Variants in ZNF564 observed in about 807,000 individuals in gnomAD.
ZNF564 encodes zinc finger protein 564.
Under a neutral mutation model 10.5 loss-of-function variants are expected in ZNF564, and 5 were observed. The observed-to-expected ratio is 0.48, with a 90% CI of 0.25 to 1.00. ZNF564 has a LOEUF of 1.00. Among genes scored for constraint, ZNF564 ranks in the 50% least tolerant of loss-of-function variants. The pLI is 0.16. For synonymous variants in ZNF564, 242 were observed against 218.1 expected (o/e 1.11, Z -0.97); for missense variants, 603 against 669.7 (o/e 0.90, Z 1.10).
intron 1 of ZNF564, among the ~76,000 whole-genome samples, chr19:12,534,975 C>T (rs2021880231): frequency 6.6e-6 from 1 of 151,990 alleles, no homozygotes; most frequent in Non-Finnish European, 1.5e-5. Flanking sequence ...CCAAGAGATT[C>T]TTGATAAACA....
At chr19:12,533,791 C>T (rs1326126919) in intron 1 of ZNF564, among the ~76,000 whole-genome samples, 1 of 58,296 alleles carries the variant, frequency 1.7e-5, no homozygotes, top group East Asian at 4.3e-4. Context: ...AACAGAAAAA[C>T]AAGAGAGCAA....
chr19:12,544,506 C>T (rs2022115968), intron 1 of ZNF564, among the ~76,000 whole-genome samples: 2 of 152,144 alleles, frequency 1.3e-5, no homozygotes, highest in East Asian at 1.9e-4. Context: ...AGTTCTACGC[C>T]TCCTCCCATT....
chr19:12,525,634 T>C lies in ZNF564; in HGVS notation c.*812A>G, dbSNP rs1482147591. On this transcript the variant is annotated 3_prime_UTR_variant, in exon 4 of 4. Transcript: ENST00000339282. The stretch of plus-strand genomic sequence containing the variant: ...CATCTGGGTATCTTCTTTGGAGAAA[T>C]GTCTATTCAAGTCCTTTCCTCCATT... 6.6e-6 allele frequency: 1 copy of C among 152,240 alleles called. No homozygotes were observed. The highest frequency in any genetic ancestry group is 2.4e-5 in the African/African-American group (1 of 41,468). The allele number at this position is 152,240 out of a possible 1,614,324, so 9.4% of individuals were successfully genotyped here. A position where few individuals can be genotyped will look rare whatever the true frequency, so the allele number is the denominator to read the frequency against.
At position 12,551,407 on chromosome 19, in the gene ZNF564, G is replaced by C; in HGVS notation, c.-75C>G. On this transcript the variant is annotated 5_prime_UTR_variant, in exon 1 of 4. Coordinates refer to ENST00000339282, the MANE Select transcript of ZNF564 (RefSeq NM_144976.4). ...CTGTGCAGGTCCCAGCGCGCCAGAC[G>C]CTGCGGTGGAGCCACCGGGGCCACT... 6.7e-6 allele frequency: 10 copies of C among 1,489,146 alleles called. No individual in the cohort carries two copies. The South Asian group carries it at 1.3e-4, about 19-fold the overall frequency. 92.2% of individuals were successfully genotyped at this position (1,489,146 alleles called of 1,614,324 possible). A position where few individuals can be genotyped will look rare whatever the true frequency, so the allele number is the denominator to read the frequency against.
rs2021669792 is a variant in ZNF564, at chr19:12,525,794, C to T, written c.*652G>A. ...TCCAATATCAAGGCACTGGCATAGT[C>T]CATGTCTGGTAAGGGCCTGCTTCCC... On this transcript the variant is annotated 3_prime_UTR_variant, in exon 4 of 4. Coordinates refer to ENST00000339282, the MANE Select transcript of ZNF564 (RefSeq NM_144976.4). The T allele has an allele frequency of 6.6e-6, 1 of 152,208 alleles. No homozygotes were observed. The highest frequency in any genetic ancestry group is 1.5e-5 in the Non-Finnish European group (1 of 68,094). The allele number at this position is 152,208 out of a possible 1,614,324, so 9.4% of individuals were successfully genotyped here.
chr19:12,538,559 A>G (rs1296048990), intron 1 of ZNF564, among the ~76,000 whole-genome samples: 1 of 152,122 alleles, frequency 6.6e-6, no homozygotes, highest in African/African-American at 2.4e-5. Flanking sequence ...CAGGAGGCGG[A>G]GGTTGCAGTG....
At chr19:12,535,365 T>C (rs2021888150) in intron 1 of ZNF564, among the ~76,000 whole-genome samples, 1 of 151,992 alleles carries the variant, frequency 6.6e-6, no homozygotes, top group South Asian at 2.1e-4. Flanking sequence ...AGAGTGAGAC[T>C]CCGTCTCAAA....
chr19:12,543,428 G>A (rs1198325687), intron 1 of ZNF564, among the ~76,000 whole-genome samples: 3 of 151,842 alleles, frequency 2.0e-5, no homozygotes, highest in Non-Finnish European at 4.4e-5. Flanking sequence ...TGTAATCCCA[G>A]CACTTTGGGA....
chr19:12,528,265 A>G, intron 3 of ZNF564, 39 bp downstream of exon 3: 3 of 1,557,624 alleles, frequency 1.9e-6, no homozygotes, highest in Non-Finnish European at 2.6e-6. Flanking sequence ...ATGACATACT[A>G]AGAAGGAGAC....
intron 1 of ZNF564, 95 bp downstream of exon 1, chr19:12,551,235 C>G: frequency 7.1e-7 from 1 of 1,409,080 alleles, no homozygotes; most frequent in South Asian, 1.2e-5. Flanking sequence ...ACCCTGGAGT[C>G]GCTGCAGGGA....
intron 1 of ZNF564, among the ~76,000 whole-genome samples, chr19:12,532,534 CAAAAAAAAAAAAA>C (rs35579003): frequency 1.5e-4 from 6 of 39,258 alleles, no homozygotes; most frequent in Middle Eastern, 0.024. Flanking sequence ...GACTCCGTCT[CAAAAAAAAAAAAA>C]AAAAAAAAAA....
intron 1 of ZNF564, among the ~76,000 whole-genome samples, chr19:12,531,396 G>A (rs532969849): frequency 6.6e-6 from 1 of 151,868 alleles, no homozygotes; most frequent in South Asian, 2.1e-4. Flanking sequence ...GCGAAACCTC[G>A]TCTCTACTAA....
At chr19:12,531,902 CAT>C (rs926970364) in intron 1 of ZNF564, among the ~76,000 whole-genome samples, 2 of 152,108 alleles carry the variant, frequency 1.3e-5, no homozygotes, top group Non-Finnish European at 2.9e-5. Flanking sequence ...ATTTTAAAAA[CAT>C]AGTATGTTGG....
At chr19:12,544,700 T>G (rs937100462) in intron 1 of ZNF564, among the ~76,000 whole-genome samples, 1 of 152,172 alleles carries the variant, frequency 6.6e-6, no homozygotes. Flanking sequence ...CCCATCTGGT[T>G]GCTCTAAACT....
intron 1 of ZNF564, among the ~76,000 whole-genome samples, chr19:12,534,343 G>A (rs764528476): frequency 1.2e-4 from 18 of 152,130 alleles, no homozygotes; most frequent in Non-Finnish European, 2.2e-4. Flanking sequence ...TTGTCACTGG[G>A]GAATTACAAA....
intron 1 of ZNF564, among the ~76,000 whole-genome samples, chr19:12,532,508 C>T: frequency 8.1e-6 from 1 of 123,650 alleles, no homozygotes. Context: ...GCACTCCAGC[C>T]TGGGCGACAG....
intron 1 of ZNF564, chr19:12,548,688 C>T (rs140378864): frequency 2.3e-4 from 152 of 655,366 alleles, no homozygotes; most frequent in African/African-American, 2.3e-3. Context: ...TTTATCTATC[C>T]CTTTCAGACA....
chr19:12,549,684 C>T (rs1287042977), intron 1 of ZNF564, among the ~76,000 whole-genome samples: 1 of 152,098 alleles, frequency 6.6e-6, no homozygotes, highest in Non-Finnish European at 1.5e-5. Context: ...AAAGGGTAAA[C>T]TTTTCAGAGG....
chr19:12,535,938 G>A (rs757023372), intron 1 of ZNF564, among the ~76,000 whole-genome samples: 3 of 151,368 alleles, frequency 2.0e-5, no homozygotes, highest in South Asian at 2.1e-4. Flanking sequence ...GCTTGAACCC[G>A]GGAGGTGCAG....
Sources: allele counts gnomAD v4.1 joint callset (sites outside exome capture counted in the v4.1 genomes callset), GRCh38; gene constraint gnomAD v4.1.1; transcripts MANE v1.5; gene names NCBI Gene and HGNC (gene_info 2026-07-23, HGNC 2026-07-21).